The following PTPN21 variants were observed in gnomAD, a reference collection of about 807,000 sequenced individuals.
The protein encoded by PTPN21 is tyrosine-protein phosphatase non-receptor type 21.
In PTPN21, 77 loss-of-function variants were observed where a neutral mutation model predicts 131.8. That is an observed-to-expected ratio of 0.58 (90% CI 0.49 to 0.71). The LOEUF (loss-of-function observed/expected upper bound fraction) is 0.71. PTPN21 is among the 30% of genes least tolerant of loss of function. The pLI is 0.00. For synonymous variants in PTPN21, 715 were observed against 621.3 expected, an observed-to-expected ratio of 1.15 and a Z score of -2.24; for missense variants, 1,552 against 1,527.1, an observed-to-expected ratio of 1.02 and a Z score of -0.27.
At chr14:88,487,005 A>C (rs1240582692) in intron 10 of PTPN21, among the ~76,000 whole-genome samples, 1 of 151,844 alleles carries the variant, frequency 6.6e-6, no homozygotes, top group Admixed American at 6.6e-5. Flanking sequence ...AAAGTACCTA[A>C]ACGTATTAGG....
At chr14:88,506,266 G>C (rs1035070567) in intron 4 of PTPN21, among the ~76,000 whole-genome samples, 6 of 152,166 alleles carry the variant, frequency 3.9e-5, no homozygotes, top group African/African-American at 1.4e-4. Flanking sequence ...CTTGAGCACA[G>C]TAGGTTGTGG....
In PTPN21 at chr14:88,467,723, T is replaced by C; in HGVS notation, c.*414A>G. ...ACAAAGTTGTTTCTCACTAGAAAAA[T>C]CCCTAAATATTTGTCATAAAATAAA... On this transcript the variant is annotated 3_prime_UTR_variant, in exon 19 of 19. Coordinates refer to ENST00000556564, the MANE Select transcript of PTPN21 (RefSeq NM_007039.4). 5.7e-6 allele frequency: 1 copy of C among 176,122 alleles called. No individual in the cohort carries two copies. Among genetic ancestry groups the C allele is most frequent in the Admixed American group, 6.3e-5 (1 of 15,806 alleles). The allele number at this position is 176,122 out of a possible 1,614,324, so 10.9% of individuals were successfully genotyped here.
chr14:88,537,988 C>T (rs1376251003), intron 2 of PTPN21, among the ~76,000 whole-genome samples: 6 of 152,096 alleles, frequency 3.9e-5, no homozygotes. Flanking sequence ...TTTTATGGGA[C>T]CACCATCTTA....
In PTPN21 at chr14:88,506,259, G is replaced by T. The variant is rs114189439; in HGVS notation, c.449-888C>A. ...GGAGGCTCAGGTGGGAGGATCACTT[G>T]AGCACAGTAGGTTGTGGCTGCAGTG... On this transcript the variant is annotated intron_variant, in intron 4 of 18. Coordinates refer to ENST00000556564, the MANE Select transcript of PTPN21 (RefSeq NM_007039.4). 2.0e-3 allele frequency among the ~76,000 whole-genome samples: 298 copies of T among 152,226 alleles called. 4 individuals carry two copies. The highest frequency in any genetic ancestry group is 6.8e-3 in the African/African-American group (284 of 41,544).
chr14:88,497,057 T>C (rs974909689), intron 9 of PTPN21, 146 bp downstream of exon 9: 5 of 755,134 alleles, frequency 6.6e-6, no homozygotes, highest in Non-Finnish European at 1.1e-5. Flanking sequence ...TGCAAAATGC[T>C]ATATGATAAA....
chr14:88,502,474 A>G (rs1357722618), intron 6 of PTPN21, among the ~76,000 whole-genome samples: 1 of 152,042 alleles, frequency 6.6e-6, no homozygotes, highest in Non-Finnish European at 1.5e-5. Flanking sequence ...TTATCTTCTT[A>G]TATGTATTAT....
In PTPN21 at chr14:88,550,406, T is replaced by G; in HGVS notation, c.12A>C (p.Pro4=). Residue 4 remains proline, a synonymous_variant, in exon 2 of 19, where the codon CCA becomes CCC. Transcript: ENST00000556564. MPL[P]FGLKLKRTRR... ...GGGTGCGTTTCAGTTTCAACCCAAA[T>G]GGCAGTGGCATCTTCTTCTTTCTTC... 1 of 1,613,750 alleles carries G rather than the reference T, an allele frequency of 6.2e-7. No individual in the cohort carries two copies. Among genetic ancestry groups the G allele is most frequent in the Admixed American group, 1.7e-5 (1 of 59,966 alleles).
At chr14:88,505,152 CAGTCACACTTG>C in intron 5 of PTPN21, 141 bp downstream of exon 5, 1 of 602,320 alleles carries the variant, frequency 1.7e-6, no homozygotes. Flanking sequence ...ACAGGGAAAG[CAGTCACACTTG>C]AGATGTTTAT....
intron 2 of PTPN21, among the ~76,000 whole-genome samples, chr14:88,523,273 T>A (rs1257257087): frequency 5.3e-5 from 8 of 151,958 alleles, no homozygotes; most frequent in Non-Finnish European, 1.5e-5. Context: ...ATCCCAGGAC[T>A]GCAAGGGTGG....
At chr14:88,497,405 T>C (rs2140125174) in intron 8 of PTPN21, 115 bp from the exon 9 acceptor site, 1 of 836,874 alleles carries the variant, frequency 1.2e-6, no homozygotes, top group Non-Finnish European at 1.9e-6. Context: ...GGTAACATTT[T>C]TGAGAAAAAC....
chr14:88,479,192 G>C lies in PTPN21; in HGVS notation c.2239C>G (p.Pro747Ala). 6.4e-7 allele frequency: 1 copy of C among 1,571,744 alleles called. No individual in the cohort carries two copies. The highest frequency in any genetic ancestry group is 8.6e-7 in the Non-Finnish European group (1 of 1,161,534). The change falls in exon 13 of 19, where the codon CCT becomes GCT. Residue 747 changes from proline (P) to alanine (A), a missense_variant. By Grantham distance (27) the Pro-to-Ala change is conservative (BLOSUM62 -1). Around this residue, in one of 4 missense-constraint regions of PTPN21, gnomAD observed 1,016 missense variants for 883.5 expected, o/e 1.15. Transcript: ENST00000556564. ...AGGGGCCCGGCGAGCAGGACGCGAG[G>C]GCAGCCAGGTGGGTCCTGGGCCAGG... ...PGLAQDPPGC[P>A]RVLLAGPLHI...
chr14:88,536,818 T>G (rs2078638694), intron 2 of PTPN21, among the ~76,000 whole-genome samples: 1 of 152,146 alleles, frequency 6.6e-6, no homozygotes, highest in Non-Finnish European at 1.5e-5. Context: ...TCAGAAGACT[T>G]TTCATCAGGA....
chr14:88,508,020 C>T lies in PTPN21; in HGVS notation c.351G>A (p.Arg117=), dbSNP rs1220233275. 1.2e-5 allele frequency: 18 copies of T among 1,542,502 alleles called. No homozygotes were observed. The highest frequency in any genetic ancestry group is 1.5e-5 in the Non-Finnish European group (17 of 1,122,552). Residue 117 remains arginine (R), a splice_region_variant and synonymous_variant, in exon 4 of 19, where the codon AGG becomes AGA. Transcript: ENST00000556564. ...SVSQLQQEIT[R]YQYYLQLKKD... ...TCTTCAGTTGCAGATAATACTGATA[C>T]CTATAAAAAATGTCAGTTGTATAAG...
chr14:88,469,313 C>G lies in PTPN21; in HGVS notation c.3235+186G>C, dbSNP rs2077416722. On this transcript the variant is annotated intron_variant, in intron 17 of 18. Coordinates refer to ENST00000556564, the MANE Select transcript of PTPN21 (RefSeq NM_007039.4). The surrounding 1 kb of genome is among the most constrained non-coding windows in gnomAD (Gnocchi z 4.3). ...ATACTGAGTCAGCTGTGGCATTCTACTCACTACCAAATCATAATTTATAAA... is the reference window on the plus strand; with the variant it reads ...ATACTGAGTCAGCTGTGGCATTCTAGTCACTACCAAATCATAATTTATAAA... 6.6e-6 allele frequency among the ~76,000 whole-genome samples: 1 copy of G among 152,184 alleles called. No individual in the cohort carries two copies. Among genetic ancestry groups the G allele is most frequent in the South Asian group, 2.1e-4 (1 of 4,828 alleles).
intron 10 of PTPN21, among the ~76,000 whole-genome samples, chr14:88,489,088 A>T (rs2077781125): frequency 6.6e-6 from 1 of 152,160 alleles, no homozygotes; most frequent in Admixed American, 6.5e-5. Context: ...TATGTGTCTA[A>T]CAATCATGTG....
At chr14:88,517,903 T>C (rs911868392) in intron 2 of PTPN21, among the ~76,000 whole-genome samples, 4 of 147,652 alleles carry the variant, frequency 2.7e-5, no homozygotes, top group African/African-American at 9.9e-5. Flanking sequence ...TATGTGTATA[T>C]ATACACCTGT....
intron 13 of PTPN21, among the ~76,000 whole-genome samples, chr14:88,474,131 C>CAAAAAAAAAAAAAAAAAAA (rs754719071): frequency 8.6e-5 from 4 of 46,686 alleles, no homozygotes; most frequent in East Asian, 7.1e-4. Context: ...AGCTGAAGTC[C>CAAAAAAAAAAAAAAAAAAA]AAAAAAAAAA....
At chr14:88,552,853 A>C (rs1235844671) in intron 1 of PTPN21, among the ~76,000 whole-genome samples, 1 of 152,238 alleles carries the variant, frequency 6.6e-6, no homozygotes, top group Non-Finnish European at 1.5e-5. Flanking sequence ...TAGAAAATTG[A>C]TAAACCAAGA....
chr14:88,549,857 C>T (rs1009728691), intron 2 of PTPN21, among the ~76,000 whole-genome samples: 1 of 151,628 alleles, frequency 6.6e-6, no homozygotes, highest in Non-Finnish European at 1.5e-5. Flanking sequence ...CTGCCTCCCA[C>T]ATTCAAGCGA....
Sources: allele counts gnomAD v4.1 joint callset (sites outside exome capture counted in the v4.1 genomes callset), GRCh38; gene constraint gnomAD v4.1.1; regional missense constraint gnomAD v4.1.1; non-coding constraint Gnocchi (gnomAD v3.1); transcripts MANE v1.5; gene names NCBI Gene and HGNC (gene_info 2026-07-23, HGNC 2026-07-21).